Variants in SUGCT observed in about 807,000 individuals in gnomAD.
SUGCT encodes the protein succinyl-CoA:glutarate-CoA transferase.
In SUGCT, 41 loss-of-function variants were observed where a neutral mutation model predicts 55.0. That is an observed-to-expected ratio of 0.74 (90% CI 0.58 to 0.97). SUGCT has a LOEUF of 0.97. SUGCT is among the 50% of genes least tolerant of loss of function. SUGCT has a pLI of 0.00. For synonymous variants in SUGCT, 187 were observed against 200.4 expected (o/e 0.93, Z 0.56); for missense variants, 568 against 547.8 (o/e 1.04, Z -0.37).
At chr7:40,756,037 T>C (rs1242328920) in intron 13 of SUGCT, among the ~76,000 whole-genome samples, 1 of 152,170 alleles carries the variant, frequency 6.6e-6, no homozygotes, top group Non-Finnish European at 1.5e-5. Flanking sequence ...ATTAGAATAT[T>C]GATGTTTGGA....
intron 13 of SUGCT, among the ~76,000 whole-genome samples, chr7:40,827,832 C>G (rs1046121194): frequency 4.6e-5 from 7 of 152,116 alleles, no homozygotes; most frequent in Non-Finnish European, 8.8e-5. Flanking sequence ...AACTCCCCCA[C>G]ACCATGGAAA....
rs1475455322 is a variant in SUGCT at position 40,420,211 on chromosome 7, T to G, written c.817-29076T>G. ...AAAGTGTCAAAGGCACATTGGGGTA[T>G]GTTGCTGTTACTAGCTGCAGTGAAA... is the stretch of plus-strand genomic sequence containing the variant. On this transcript the variant is annotated intron_variant, in intron 9 of 13. Coordinates refer to ENST00000335693, the MANE Select transcript of SUGCT (RefSeq NM_001193313.2). Among the ~76,000 whole-genome samples the G allele has an allele frequency of 3.3e-5, 5 of 152,176 alleles. No homozygotes were observed. In the East Asian group the frequency reaches 9.6e-4, roughly 29 times the overall value.
At chr7:40,422,354 A>G (rs1216168794) in intron 9 of SUGCT, among the ~76,000 whole-genome samples, 1 of 152,154 alleles carries the variant, frequency 6.6e-6, no homozygotes, top group Non-Finnish European at 1.5e-5. Flanking sequence ...TACCATATAT[A>G]TTATTTCATT....
chr7:40,817,029 A>T lies in SUGCT; in HGVS notation c.1154-43287A>T, dbSNP rs537747896. Among the ~76,000 whole-genome samples, 8 of 152,306 alleles carry T rather than the reference A, an allele frequency of 5.3e-5. 1 individual carries two copies. In the South Asian group the frequency reaches 1.7e-3, roughly 32 times the overall value. On this transcript the variant is annotated intron_variant, in intron 13 of 13. Transcript: ENST00000335693. ...AGTGTCTTTGGGGAGAAGTTTGGAG[A>T]TTACAAACCAACACTTCTATTGTCC...
intron 13 of SUGCT, among the ~76,000 whole-genome samples, chr7:40,800,718 G>A (rs2128750571): frequency 6.6e-6 from 1 of 152,276 alleles, no homozygotes; most frequent in South Asian, 2.1e-4. Flanking sequence ...CCAGGAAGGT[G>A]TACAGGGCAT....
At chr7:40,514,042 G>A (rs914546975) in intron 12 of SUGCT, among the ~76,000 whole-genome samples, 12 of 151,952 alleles carry the variant, frequency 7.9e-5, no homozygotes, top group African/African-American at 2.7e-4. Context: ...CGCCCGCCTC[G>A]GCCTCCCAAA....
the SUGCT span, among the ~76,000 whole-genome samples, chr7:40,980,970 T>TA: frequency 4.6e-5 from 7 of 152,168 alleles, no homozygotes; most frequent in Non-Finnish European, 7.3e-5. Context: ...AGTGCTGGGA[T>TA]TACAGGTGTG....
chr7:40,190,982 A>T (rs1272214273), intron 5 of SUGCT, among the ~76,000 whole-genome samples: 1 of 152,168 alleles, frequency 6.6e-6, no homozygotes, highest in Non-Finnish European at 1.5e-5. Context: ...TCAAGGGCCA[A>T]CTGTACTTAG....
At chr7:40,265,022 G>GA (rs980914524) in intron 7 of SUGCT, among the ~76,000 whole-genome samples, 1 of 152,008 alleles carries the variant, frequency 6.6e-6, no homozygotes, top group Non-Finnish European at 1.5e-5. Flanking sequence ...TGACAACTGA[G>GA]AAAAAAACTA....
At chr7:40,628,732 T>C (rs1799643299) in intron 12 of SUGCT, among the ~76,000 whole-genome samples, 1 of 113,354 alleles carries the variant, frequency 8.8e-6, no homozygotes, top group Non-Finnish European at 1.8e-5. Context: ...TTGTTCTGTG[T>C]GTGTGTGTGT....
At chr7:40,897,211 A>G in the SUGCT span, among the ~76,000 whole-genome samples, 1 of 152,222 alleles carries the variant, frequency 6.6e-6, no homozygotes, top group African/African-American at 2.4e-5. Flanking sequence ...TCAACTCAAA[A>G]TGAATTAAAG....
At chr7:40,780,616 G>A (rs1789687370) in intron 13 of SUGCT, among the ~76,000 whole-genome samples, 1 of 152,104 alleles carries the variant, frequency 6.6e-6, no homozygotes, top group Admixed American at 6.5e-5. Context: ...CTCCTTTGCT[G>A]ACAGTACCCT....
At chr7:40,174,256 C>T (rs1306344086) in intron 1 of SUGCT, among the ~76,000 whole-genome samples, 2 of 152,164 alleles carry the variant, frequency 1.3e-5, no homozygotes. Context: ...CTCCTGACCT[C>T]AGGTGATCCT....
chr7:40,259,926 T>G (rs531139728), intron 7 of SUGCT, among the ~76,000 whole-genome samples: 1 of 152,364 alleles, frequency 6.6e-6, no homozygotes, highest in South Asian at 2.1e-4. Flanking sequence ...ATAGTGGATC[T>G]CTTCACTATG....
chr7:41,037,121 TATG>T, the SUGCT span, among the ~76,000 whole-genome samples: 1 of 152,192 alleles, frequency 6.6e-6, no homozygotes. Context: ...GTGGATGAAA[TATG>T]ATTACGTGTG....
At chr7:40,794,698 C>T (rs769873849) in intron 13 of SUGCT, among the ~76,000 whole-genome samples, 1 of 152,078 alleles carries the variant, frequency 6.6e-6, no homozygotes, top group Non-Finnish European at 1.5e-5. Flanking sequence ...TCTCCTCCTG[C>T]CTTCCGGAAA....
intron 11 of SUGCT, among the ~76,000 whole-genome samples, chr7:40,489,987 A>T (rs2024014): frequency 0.3 from 45,817 of 152,076 alleles, 9,414 homozygotes; most frequent in African/African-American, 0.58. Context: ...GAGCAGACCC[A>T]CTGTAGTGGT....
At chr7:40,595,373 A>G (rs1039764016) in intron 12 of SUGCT, among the ~76,000 whole-genome samples, 2 of 152,180 alleles carry the variant, frequency 1.3e-5, no homozygotes, top group Non-Finnish European at 2.9e-5. Context: ...GTAATATATC[A>G]TGATTCATTA....
At chr7:40,174,915 T>C (rs1231744901) in intron 1 of SUGCT, among the ~76,000 whole-genome samples, 2 of 152,234 alleles carry the variant, frequency 1.3e-5, no homozygotes, top group African/African-American at 4.8e-5. Flanking sequence ...TTTGCGAGTA[T>C]TGAATAGTTA....
Sources: gnomAD v4.1 joint callset for allele counts (sites outside exome capture counted in the v4.1 genomes callset) on GRCh38, gnomAD v4.1.1 for gene constraint, MANE v1.5 for transcripts, NCBI Gene and HGNC (gene_info 2026-07-23, HGNC 2026-07-21) for gene names.